The following MRC1 variants were observed in gnomAD, a reference collection of about 807,000 sequenced individuals.
MRC1 encodes mannose receptor C-type 1.
A neutral mutation model predicts 102.9 loss-of-function variants in MRC1; 62 were observed. That is an observed-to-expected ratio of 0.60 (90% CI 0.49 to 0.74). The LOEUF (loss-of-function observed/expected upper bound fraction) is 0.74. Among genes scored for constraint, MRC1 ranks in the 30% least tolerant of loss-of-function variants. The pLI is 0.00. For synonymous variants in MRC1, 457 were observed against 298.4 expected (o/e 1.53, Z -5.48); for missense variants, 1,237 against 862.8 (o/e 1.43, Z -5.43).
At chr10:17,880,379 G>T in intron 19 of MRC1, 146 bp from the exon 20 acceptor site, 8 of 674,928 alleles carry the variant, frequency 1.2e-5, no homozygotes, top group Middle Eastern at 4.1e-4. Flanking sequence ...ATATTGCATG[G>T]ATACCTCTAG....
intron 22 of MRC1, among the ~76,000 whole-genome samples, chr10:17,885,938 T>C (rs1833586980): frequency 6.6e-6 from 1 of 152,100 alleles, no homozygotes; most frequent in Non-Finnish European, 1.5e-5. Context: ...TACTTTATTT[T>C]ACTACTTTTA....
At chr10:17,825,034 G>A (rs1321144235) in intron 2 of MRC1, among the ~76,000 whole-genome samples, 1 of 151,984 alleles carries the variant, frequency 6.6e-6, no homozygotes, top group Non-Finnish European at 1.5e-5. Flanking sequence ...GAAGACCCGG[G>A]TGATTCTGTG....
Position 17,902,080 on chromosome 10 carries a change from A to T in MRC1, c.3757A>T (p.Thr1253Ser). Residue 1253 changes from threonine (T) to serine (S), a missense_variant, in exon 26 of 30, where the codon ACA becomes TCA. Thr to Ser is a moderately conservative substitution (Grantham distance 58). Transcript: ENST00000569591. The stretch of plus-strand genomic sequence containing the variant: ...CTGTTACTATATTGAGTCCTCATAT[A>T]CAAGAAACTGGGGCCAAGCTTCTCT... ...GHCYYIESSY[T>S]RNWGQASLEC... 1.3e-6 allele frequency: 1 copy of T among 780,828 alleles called. No individual in the cohort carries two copies. Among genetic ancestry groups the T allele is most frequent in the Non-Finnish European group, 2.4e-6 (1 of 417,938 alleles). The allele number at this position is 780,828 out of a possible 1,614,324, so 48.4% of individuals were successfully genotyped here.
chr10:17,881,440 C>G (rs1833516352), intron 21 of MRC1, among the ~76,000 whole-genome samples: 1 of 152,126 alleles, frequency 6.6e-6, no homozygotes. Flanking sequence ...GGTGCATAGA[C>G]AGCTTTGAGT....
In MRC1 at chr10:17,885,270, A is replaced by C; in HGVS notation, c.2982A>C (p.Ala994=). Residue 994 remains alanine, a splice_region_variant and synonymous_variant, in exon 22 of 30, where the codon GCA becomes GCC. Coordinates refer to ENST00000569591, the MANE Select transcript of MRC1 (RefSeq NM_002438.4). Reference sequence around the variant, plus strand: ...TTATATCATGAAATTTTCTTTCAGCATTTCTTACCTATCACATGAAGGACT... The same window carrying C: ...TTATATCATGAAATTTTCTTTCAGCCTTTCTTACCTATCACATGAAGGACT... ...LVSIQNEKEQ[A]FLTYHMKDST... 2 of 780,866 alleles carry C rather than the reference A, an allele frequency of 2.6e-6. No homozygotes were observed. The highest frequency in any genetic ancestry group is 2.7e-5 in the South Asian group (2 of 74,604). The allele number at this position is 780,866 out of a possible 1,614,324, so 48.4% of individuals were successfully genotyped here. A position where few individuals can be genotyped will look rare whatever the true frequency, so the allele number is the denominator to read the frequency against.
chr10:17,851,065 A>T (rs797039331), intron 7 of MRC1, among the ~76,000 whole-genome samples: 1 of 152,000 alleles, frequency 6.6e-6, no homozygotes, highest in African/African-American at 2.4e-5. Context: ...TGTGGCACTT[A>T]TAGCCAGTAA....
At position 17,828,460 on chromosome 10, in the gene MRC1, G is replaced by A. The variant is rs1414813825; in HGVS notation, c.637+745G>A. Among the ~76,000 whole-genome samples, 5 of 151,558 alleles carry A rather than the reference G, an allele frequency of 3.3e-5. 1 individual carries two copies. Among genetic ancestry groups the A allele is most frequent in the East Asian group, 3.9e-4 (2 of 5,186 alleles). ...TAGTATATACTTAACACGGGAGGTA[G>A]GTAGGCATGCTATTATTCCCTCATC... On this transcript the variant is annotated intron_variant, in intron 3 of 29. Coordinates refer to ENST00000569591, the MANE Select transcript of MRC1 (RefSeq NM_002438.4).
chr10:17,879,892 G>T, intron 19 of MRC1, 71 bp downstream of exon 19: 1 of 780,122 alleles, frequency 1.3e-6, no homozygotes, highest in South Asian at 1.3e-5. Flanking sequence ...TAGACTAAAA[G>T]TAGCAAGTTG....
At chr10:17,826,223 C>T (rs1285309733) in intron 2 of MRC1, among the ~76,000 whole-genome samples, 1 of 151,668 alleles carries the variant, frequency 6.6e-6, no homozygotes, top group Non-Finnish European at 1.5e-5. Context: ...TATTTTTTGA[C>T]GCAGAGTCTC....
chr10:17,819,453 ATG>A (rs59778334), intron 1 of MRC1, among the ~76,000 whole-genome samples: 8,954 of 145,596 alleles, frequency 0.061, 283 homozygotes, highest in Admixed American at 0.086. Flanking sequence ...TCAGAGTTGT[ATG>A]TGTGTGTGTG....
At position 17,872,063 on chromosome 10, in the gene MRC1, A is replaced by G; in HGVS notation, c.2281A>G (p.Thr761Ala). The G allele has an allele frequency of 2.6e-6, 2 of 780,708 alleles. No homozygotes were observed. The highest frequency in any genetic ancestry group is 2.4e-5 in the East Asian group (1 of 41,250). 48.4% of individuals were successfully genotyped at this position (780,708 alleles called of 1,614,324 possible). A position where few individuals can be genotyped will look rare whatever the true frequency, so the allele number is the denominator to read the frequency against. The change falls in exon 15 of 30, where the codon ACT becomes GCT. Residue 761 changes from threonine to alanine, a missense_variant. Thr to Ala is a moderately conservative substitution (Grantham distance 58). Transcript: ENST00000569591. ...CTGTGGTGAGCTGAAAGGTGACCCT[A>G]CTATGTCTTGGAATGATATTAATTG... Reference protein sequence around the residue: ...EYCGELKGDPTMSWNDINCEH... With the variant: ...EYCGELKGDPAMSWNDINCEH...
In MRC1 at chr10:17,880,620, C is replaced by T. The variant is rs781826223; in HGVS notation, c.2815C>T (p.Pro939Ser). Reference protein sequence around the residue: ...INATTVMPTMPSVPSGCKEGW... With the variant: ...INATTVMPTMSSVPSGCKEGW... Reference sequence around the variant, plus strand: ...TGCTACCACAGTTATGCCTACCATGCCCTCGGTCCCATCAGGGTGCAAGGA... The same window carrying T: ...TGCTACCACAGTTATGCCTACCATGTCCTCGGTCCCATCAGGGTGCAAGGA... Residue 939 changes from proline (P) to serine (S), a missense_variant, in exon 20 of 30, where the codon CCC (proline) becomes TCC (serine). Physicochemically the swap from Pro to Ser is moderately conservative, Grantham distance 74 (BLOSUM62 -1). Transcript: ENST00000569591. 5 of 780,704 alleles carry T rather than the reference C, an allele frequency of 6.4e-6. No homozygotes were observed. Among genetic ancestry groups the T allele is most frequent in the African/African-American group, 1.7e-5 (1 of 59,122 alleles). 48.4% of individuals were successfully genotyped at this position (780,704 alleles called of 1,614,324 possible). A position where few individuals can be genotyped will look rare whatever the true frequency, so the allele number is the denominator to read the frequency against.
chr10:17,812,642 G>A (rs1838242210), intron 1 of MRC1, among the ~76,000 whole-genome samples: 1 of 143,930 alleles, frequency 6.9e-6, no homozygotes, highest in Non-Finnish European at 1.5e-5. Context: ...TGTGATCTTG[G>A]CTCACTGCAA....
At chr10:17,843,072 T>G (rs1217809058) in intron 5 of MRC1, among the ~76,000 whole-genome samples, 1 of 152,216 alleles carries the variant, frequency 6.6e-6, no homozygotes, top group Non-Finnish European at 1.5e-5. Flanking sequence ...TTTGCATAAA[T>G]GATGTACAAG....
intron 5 of MRC1, among the ~76,000 whole-genome samples, chr10:17,841,176 G>A (rs1420676624): frequency 6.6e-6 from 1 of 152,184 alleles, no homozygotes; most frequent in Non-Finnish European, 1.5e-5. Flanking sequence ...TATACTTGCT[G>A]TTGCATTGAC....
In MRC1 at chr10:17,902,048, A is replaced by G. The variant is rs1833836484; in HGVS notation, c.3725A>G (p.His1242Arg). Residue 1242 changes from histidine to arginine, a missense_variant, in exon 26 of 30, where the codon CAT becomes CGT. Physicochemically the swap from His to Arg is conservative, Grantham distance 29. Transcript: ENST00000569591. Reference sequence around the variant, plus strand: ...GATCACACAGCATGGATTCCTTTCCATGGTCACTGTTACTATATTGAGTCC... The same window carrying G: ...GATCACACAGCATGGATTCCTTTCCGTGGTCACTGTTACTATATTGAGTCC... ...ESDHTAWIPF[H>R]GHCYYIESSY... The G allele has an allele frequency of 2.6e-6, 2 of 780,682 alleles. No individual in the cohort carries two copies. Among genetic ancestry groups the G allele is most frequent in the East Asian group, 4.8e-5 (2 of 41,252 alleles). The allele number at this position is 780,682 out of a possible 1,614,324, so 48.4% of individuals were successfully genotyped here. A position where few individuals can be genotyped will look rare whatever the true frequency, so the allele number is the denominator to read the frequency against.
At chr10:17,867,095 C>T (rs993215944) in intron 12 of MRC1, among the ~76,000 whole-genome samples, 16 of 145,720 alleles carry the variant, frequency 1.1e-4, no homozygotes, top group African/African-American at 4.0e-4. Flanking sequence ...CCCTCTTCCT[C>T]CTTCCCTTCC....
At chr10:17,864,486 A>G (rs1589183882) in intron 11 of MRC1, among the ~76,000 whole-genome samples, 1 of 151,960 alleles carries the variant, frequency 6.6e-6, no homozygotes, top group Non-Finnish European at 1.5e-5. Context: ...CTTGGATTTT[A>G]TTTTGTCATC....
intron 2 of MRC1, among the ~76,000 whole-genome samples, chr10:17,825,197 G>T (rs1425740115): frequency 2.6e-5 from 4 of 152,148 alleles, no homozygotes; most frequent in Non-Finnish European, 4.4e-5. Flanking sequence ...GTATTGTAGG[G>T]TCTCTGTATC....
Sources: gnomAD v4.1 joint callset for allele counts (sites outside exome capture counted in the v4.1 genomes callset) on GRCh38, gnomAD v4.1.1 for gene constraint, MANE v1.5 for transcripts, NCBI Gene and HGNC (gene_info 2026-07-23, HGNC 2026-07-21) for gene names.